The following CADPS variants were observed in gnomAD, a reference collection of about 807,000 sequenced individuals.
CADPS encodes the protein calcium dependent secretion activator, also known as calcium-dependent secretion activator 1.
In CADPS, 57 loss-of-function variants were observed where a neutral mutation model predicts 167.3. The observed-to-expected ratio is 0.34, with a 90% CI of 0.28 to 0.42. The LOEUF is 0.42. Ranked by LOEUF, CADPS falls within the 20% of genes least tolerant of loss-of-function variation. The pLI, the probability that CADPS is intolerant of heterozygous loss-of-function variation, is 1.00. For synonymous variants in CADPS, 676 were observed against 635.3 expected (o/e 1.06, Z -0.96); for missense variants, 1,414 against 1,738.1 (o/e 0.81, Z 3.32).
At chr3:62,840,288 C>T (rs1380858274) in intron 1 of CADPS, among the ~76,000 whole-genome samples, 2 of 152,110 alleles carry the variant, frequency 1.3e-5, no homozygotes, top group South Asian at 2.1e-4. Flanking sequence ...TGAAACATCA[C>T]ATTCTTTCTG....
intron 8 of CADPS, among the ~76,000 whole-genome samples, chr3:62,583,831 C>T (rs966191012): frequency 1.3e-5 from 2 of 151,964 alleles, no homozygotes; most frequent in African/African-American, 2.4e-5. Context: ...CTGTTCTTTA[C>T]TATCTGACTG....
At chr3:62,790,999 T>TAAAA (rs34800701) in intron 1 of CADPS, among the ~76,000 whole-genome samples, 1 of 148,076 alleles carries the variant, frequency 6.8e-6, no homozygotes. Context: ...GGCTCCTAAG[T>TAAAA]AAAAAAAAAA....
At chr3:62,708,605 G>C (rs980624618) in intron 3 of CADPS, among the ~76,000 whole-genome samples, 2 of 152,006 alleles carry the variant, frequency 1.3e-5, no homozygotes, top group Non-Finnish European at 2.9e-5. Flanking sequence ...TCTCTGTGGA[G>C]AGGGTAAAAC....
intron 11 of CADPS, among the ~76,000 whole-genome samples, chr3:62,541,178 A>G (rs1425735651): frequency 2.0e-5 from 3 of 152,080 alleles, no homozygotes; most frequent in South Asian, 2.1e-4. Context: ...CATTTTAAGA[A>G]CCAATTTCAA....
chr3:62,874,934 G>A lies in CADPS; in HGVS notation c.96C>T (p.Arg32=). Residue 32 remains arginine (R), a synonymous_variant, in exon 1 of 30, where the codon CGC becomes CGT. Transcript: ENST00000383710. The surrounding 1 kb of genome is among the most constrained non-coding windows in gnomAD (Gnocchi z 7.1). ...CCTCGCTGGTACGGCTGGGAGACAGGCGCGCGCCGGACGGGGCCGAGCCGA... is the reference window on the plus strand; with the variant it reads ...CCTCGCTGGTACGGCTGGGAGACAGACGCGCGCCGGACGGGGCCGAGCCGA... ...EVLGSAPSGA[R]LSPSRTSEGS... is the part of the protein sequence containing the mutation. 1.3e-6 allele frequency: 2 copies of A among 1,516,658 alleles called. No individual in the cohort carries two copies. The highest frequency in any genetic ancestry group is 2.9e-5 in the African/African-American group (2 of 69,226). The allele number at this position is 1,516,658 out of a possible 1,614,324, so 94.0% of individuals were successfully genotyped here.
chr3:62,782,292 C>T (rs1189080980), intron 1 of CADPS, among the ~76,000 whole-genome samples: 1 of 152,166 alleles, frequency 6.6e-6, no homozygotes, highest in Non-Finnish European at 1.5e-5. Flanking sequence ...TTCATCCATC[C>T]AGCCAGCCAG....
At chr3:62,827,707 C>T (rs2074318726) in intron 1 of CADPS, among the ~76,000 whole-genome samples, 1 of 151,964 alleles carries the variant, frequency 6.6e-6, no homozygotes. Flanking sequence ...AACCAGAAGC[C>T]CTTAATGAAT....
intron 1 of CADPS, among the ~76,000 whole-genome samples, chr3:62,815,681 C>G (rs762238223): frequency 6.6e-6 from 1 of 152,128 alleles, no homozygotes; most frequent in Non-Finnish European, 1.5e-5. Context: ...CTTCCTGCTT[C>G]TACCTTTTTG....
At chr3:62,479,777 G>T (rs1005348177) in intron 22 of CADPS, among the ~76,000 whole-genome samples, 2 of 152,240 alleles carry the variant, frequency 1.3e-5, no homozygotes, top group African/African-American at 4.8e-5. Context: ...GGCATTTCCT[G>T]GTGGGTGATT....
intron 3 of CADPS, among the ~76,000 whole-genome samples, chr3:62,663,708 A>T (rs575852417): frequency 2.0e-5 from 3 of 152,006 alleles, no homozygotes; most frequent in Non-Finnish European, 4.4e-5. Context: ...ACTGGAAAAT[A>T]TATGGTCATA....
At chr3:62,417,124 T>C (rs2050216716) in intron 28 of CADPS, among the ~76,000 whole-genome samples, 1 of 152,184 alleles carries the variant, frequency 6.6e-6, no homozygotes, top group South Asian at 2.1e-4. Context: ...GTGCATACTC[T>C]ATGCTGTACT....
intron 17 of CADPS, among the ~76,000 whole-genome samples, chr3:62,511,666 G>T (rs2067856762): frequency 6.6e-6 from 1 of 152,028 alleles, no homozygotes; most frequent in Non-Finnish European, 1.5e-5. Context: ...TCAAGATGCA[G>T]TTCAATCCTT....
intron 26 of CADPS, among the ~76,000 whole-genome samples, chr3:62,448,604 G>A (rs988790651): frequency 6.7e-6 from 1 of 148,676 alleles, no homozygotes; most frequent in Admixed American, 6.7e-5. Context: ...TTTTTGGTTC[G>A]GGATATTGAA....
intron 4 of CADPS, among the ~76,000 whole-genome samples, chr3:62,657,840 A>T (rs945853447): frequency 6.6e-6 from 1 of 152,106 alleles, no homozygotes; most frequent in Non-Finnish European, 1.5e-5. Context: ...CATGTCTTTC[A>T]GTGGAAATAT....
rs151110915 is a variant in CADPS at position 62,691,493 on chromosome 3, A to G, written c.889-29099T>C. Among the ~76,000 whole-genome samples, 272 of 152,158 alleles carry G rather than the reference A, an allele frequency of 1.8e-3. 1 individual carries two copies. Among genetic ancestry groups the G allele is most frequent in the African/African-American group, 6.4e-3 (264 of 41,490 alleles). On this transcript the variant is annotated intron_variant, in intron 3 of 29. Coordinates refer to ENST00000383710, the MANE Select transcript of CADPS (RefSeq NM_003716.4). The stretch of plus-strand genomic sequence containing the variant: ...CTGTAGCCTAAAACTTCTCTGAAAA[A>G]TAAGGTTTACTTAAAAAAAAATTCT...
At chr3:62,811,508 T>C (rs1041540163) in intron 1 of CADPS, among the ~76,000 whole-genome samples, 3 of 152,240 alleles carry the variant, frequency 2.0e-5, no homozygotes, top group African/African-American at 7.2e-5. Flanking sequence ...TTAAGGAATA[T>C]GGCATATGAC....
chr3:62,464,941 A>G lies in CADPS; in HGVS notation c.3636+426T>C, dbSNP rs144788010. ...TAGGCAATTCAGTTAAGAAGAACAT[A>G]CTTGACACAGTGAGGACCATATAAA... is the stretch of plus-strand genomic sequence containing the variant. On this transcript the variant is annotated intron_variant, in intron 26 of 29. Coordinates refer to ENST00000383710, the MANE Select transcript of CADPS (RefSeq NM_003716.4). Among the ~76,000 whole-genome samples the G allele has an allele frequency of 3.9e-5, 6 of 152,274 alleles. No individual in the cohort carries two copies. In the East Asian group the frequency reaches 1.2e-3, roughly 29 times the overall value.
intron 1 of CADPS, among the ~76,000 whole-genome samples, chr3:62,861,786 C>A (rs1195402611): frequency 6.6e-6 from 1 of 152,164 alleles, no homozygotes; most frequent in Non-Finnish European, 1.5e-5. Context: ...CATGAACCAA[C>A]CTTTGTTCTT....
At position 62,650,956 on chromosome 3, in the gene CADPS, A is replaced by C. The variant is rs759661468; in HGVS notation, c.1094T>G (p.Phe365Cys). 1 of 1,614,006 alleles carries C rather than the reference A, an allele frequency of 6.2e-7. No individual in the cohort carries two copies. Among genetic ancestry groups the C allele is most frequent in the Non-Finnish European group, 8.5e-7 (1 of 1,179,978 alleles). ...GCTGCGTTTGAGTTTCTGGAGCTTG[A>C]ACTCCCCGCCTTTGGATACCGGCAT... ...ESMPVSKGGE[F>C]KLQKLKRSHN... Residue 365 changes from phenylalanine to cysteine, a missense_variant, in exon 5 of 30, where the codon TTC becomes TGC. By Grantham distance (205) the Phe-to-Cys change is radical. This residue lies in a region of CADPS where 522 missense variants were observed against 559.5 expected (regional missense o/e 0.93). Transcript: ENST00000383710.
Sources: allele counts gnomAD v4.1 joint callset (sites outside exome capture counted in the v4.1 genomes callset), GRCh38; gene constraint gnomAD v4.1.1; regional missense constraint gnomAD v4.1.1; non-coding constraint Gnocchi (gnomAD v3.1); transcripts MANE v1.5; gene names NCBI Gene and HGNC (gene_info 2026-07-23, HGNC 2026-07-21).